CCM2: variants seen among roughly 807,000 people sequenced by gnomAD.
The protein encoded by CCM2 is CCM2 scaffold protein.
A neutral mutation model predicts 44.9 loss-of-function variants in CCM2; 25 were observed. The ratio of observed to expected loss-of-function variants is 0.56; its 90% confidence interval spans 0.41 to 0.78. The LOEUF is 0.78. CCM2 is among the 30% of genes least tolerant of loss of function. CCM2 has a pLI of 0.00. For missense variants in CCM2, 481 were observed against 580.6 expected (o/e 0.83, Z 1.76); for synonymous variants, 219 against 241.1 (o/e 0.91, Z 0.85).
chr7:45,068,343 G>T (rs566721822), intron 4 of CCM2, 100 bp from the exon 5 acceptor site: 106 of 1,502,588 alleles, frequency 7.1e-5, no homozygotes, highest in South Asian at 4.5e-4. Flanking sequence ...CCAGGTAAAG[G>T]TCCTCTCAGC....
intron 1 of CCM2, among the ~76,000 whole-genome samples, chr7:45,022,290 CTTTTTTTTTTTTTTTTT>C (rs34095527): frequency 8.8e-5 from 4 of 45,430 alleles, no homozygotes; most frequent in Admixed American, 3.4e-4. Context: ...TTTGGACCAG[CTTTTTTTTTTTTTTTTT>C]TTTTTTTTTT....
chr7:45,039,432 A>AG (rs1294290763), intron 2 of CCM2, among the ~76,000 whole-genome samples: 1 of 152,202 alleles, frequency 6.6e-6, no homozygotes, highest in Non-Finnish European at 1.5e-5. Flanking sequence ...CCAACCAACC[A>AG]GCCTGAATAA....
intron 1 of CCM2, among the ~76,000 whole-genome samples, chr7:45,024,217 TATA>T (rs1247820624): frequency 1.2e-4 from 19 of 152,324 alleles, no homozygotes; most frequent in African/African-American, 4.3e-4. Context: ...TTCAGCTGAT[TATA>T]ATGTTCAGGA....
intron 1 of CCM2, among the ~76,000 whole-genome samples, chr7:45,003,831 T>G (rs1795742184): frequency 6.6e-6 from 1 of 152,228 alleles, no homozygotes; most frequent in African/African-American, 2.4e-5. Flanking sequence ...GATTTCACAC[T>G]GATCAAAGTT....
At chr7:45,030,841 A>G (rs1796930597) in intron 1 of CCM2, among the ~76,000 whole-genome samples, 1 of 152,104 alleles carries the variant, frequency 6.6e-6, no homozygotes. Flanking sequence ...CTCCTGCCTC[A>G]GCCTCCCGAG....
chr7:45,045,731 C>T (rs1797723289), intron 2 of CCM2, among the ~76,000 whole-genome samples: 1 of 152,172 alleles, frequency 6.6e-6, no homozygotes, highest in Non-Finnish European at 1.5e-5. Context: ...GCGGAGCTTG[C>T]AGTGAGCCCA....
intron 1 of CCM2, among the ~76,000 whole-genome samples, chr7:45,032,074 T>A (rs1796994980): frequency 6.6e-6 from 1 of 152,156 alleles, no homozygotes; most frequent in South Asian, 2.1e-4. Context: ...TACCCTGCAT[T>A]CCGTGCTGAA....
chr7:45,072,431 C>T (rs1021425823), intron 6 of CCM2: 17 of 544,612 alleles, frequency 3.1e-5, no homozygotes, highest in Non-Finnish European at 4.7e-5. Flanking sequence ...AGTGATACCT[C>T]AAAGACAGCT....
chr7:45,073,168 C>T, intron 7 of CCM2: 1 of 576,218 alleles, frequency 1.7e-6, no homozygotes, highest in Non-Finnish European at 3.1e-6. Flanking sequence ...GCCACCTCCC[C>T]AACCCTGGCT....
chr7:45,012,856 T>C (rs890771202), intron 1 of CCM2, among the ~76,000 whole-genome samples: 11 of 152,088 alleles, frequency 7.2e-5, no homozygotes, highest in Non-Finnish European at 1.2e-4. Context: ...TACCCCACTT[T>C]CTTATGCTGC....
rs150428392 is a variant in CCM2, at chr7:45,074,334, A to G, written c.980A>G (p.Asn327Ser). The G allele has an allele frequency of 6.9e-4, 1,109 of 1,613,752 alleles. 6 individuals are homozygous for G. The highest frequency in any genetic ancestry group is 3.0e-4 in the Non-Finnish European group (349 of 1,180,026). Residue 327 changes from asparagine (N) to serine (S), a missense_variant, in exon 9 of 10, where the codon AAT becomes AGT. Asn to Ser is a conservative substitution (Grantham distance 46). Coordinates refer to ENST00000258781, the MANE Select transcript of CCM2 (RefSeq NM_031443.4). ...GCAGCACTGCTGCACGAGTACCGCA[A>G]TGGGGCCTCTATCCACGAGTTCTGC... ...QFAALLHEYR[N>S]GASIHEFCIN...
intron 5 of CCM2, 46 bp downstream of exon 5, chr7:45,068,625 C>T: frequency 6.2e-7 from 1 of 1,611,378 alleles, no homozygotes; most frequent in South Asian, 1.1e-5. Context: ...TCCTCCCAGA[C>T]CCTGCTCATG....
chr7:45,012,586 C>T (rs770571224), intron 1 of CCM2, among the ~76,000 whole-genome samples: 14 of 152,084 alleles, frequency 9.2e-5, no homozygotes, highest in South Asian at 2.1e-4. Flanking sequence ...CGAAGAGTCT[C>T]GCTCTGTCGC....
intron 2 of CCM2, among the ~76,000 whole-genome samples, chr7:45,046,438 T>A (rs1280668390): frequency 6.6e-6 from 1 of 152,108 alleles, no homozygotes; most frequent in Non-Finnish European, 1.5e-5. Context: ...TAGAAACAGA[T>A]CCACACATAT....
chr7:45,055,166 G>C (rs10243448), intron 2 of CCM2, among the ~76,000 whole-genome samples: 20,197 of 152,190 alleles, frequency 0.13, 1,652 homozygotes, highest in Middle Eastern at 0.23. Context: ...TGTCACCCCA[G>C]CCACAGGGAG....
At chr7:45,061,144 T>C (rs1324839174) in intron 2 of CCM2, among the ~76,000 whole-genome samples, 2 of 152,212 alleles carry the variant, frequency 1.3e-5, no homozygotes, top group Admixed American at 6.5e-5. Context: ...GCAGTTCTTA[T>C]AGGTGTGCAT....
chr7:45,034,712 G>A (rs1484831568), intron 1 of CCM2, among the ~76,000 whole-genome samples: 1 of 151,020 alleles, frequency 6.6e-6, no homozygotes, highest in Non-Finnish European at 1.5e-5. Context: ...TAGAGACGGA[G>A]TTTCACCATC....
chr7:45,072,156 CTG>C (rs1799110337), intron 6 of CCM2: 1 of 340,978 alleles, frequency 2.9e-6, no homozygotes, highest in African/African-American at 2.2e-5. Flanking sequence ...AAATTACAGT[CTG>C]TGTCACACGG....
chr7:45,064,064 A>G (rs1221730823), intron 3 of CCM2, 63 bp downstream of exon 3: 16 of 1,167,328 alleles, frequency 1.4e-5, no homozygotes, highest in Non-Finnish European at 2.1e-5. Flanking sequence ...TGGTCCCTGT[A>G]CTCTTGGCCT....
Sources: gnomAD v4.1 joint callset for allele counts (sites outside exome capture counted in the v4.1 genomes callset) on GRCh38, gnomAD v4.1.1 for gene constraint, MANE v1.5 for transcripts, NCBI Gene and HGNC (gene_info 2026-07-23, HGNC 2026-07-21) for gene names.